MICU1: variants seen among roughly 807,000 people sequenced by gnomAD.
MICU1 encodes the protein calcium uptake protein 1, mitochondrial.
In MICU1, 45 loss-of-function variants were observed where a neutral mutation model predicts 56.8. The observed-to-expected ratio is 0.79, with a 90% CI of 0.62 to 1.02. The LOEUF (loss-of-function observed/expected upper bound fraction) is 1.02, where lower values mean the gene tolerates loss of function less well. Ranked by LOEUF, MICU1 falls within the 50% of genes least tolerant of loss-of-function variation. The pLI is 0.00. For synonymous variants in MICU1, 186 were observed against 195.1 expected, an observed-to-expected ratio of 0.95 and a Z score of 0.39; for missense variants, 504 against 587.1, an observed-to-expected ratio of 0.86 and a Z score of 1.46.
intron 1 of MICU1, among the ~76,000 whole-genome samples, chr10:72,585,994 A>ATTTTTTTTTTTTTTTTTTTTT (rs1276935862): frequency 2.0e-5 from 2 of 100,202 alleles, no homozygotes; most frequent in Non-Finnish European, 4.2e-5. Context: ...TATTGTTTTT[A>ATTTTTTTTTTTTTTTTTTTTT]TTTTTTCTTT....
chr10:72,622,451 C>T (rs750754998), intron 1 of MICU1, among the ~76,000 whole-genome samples: 3 of 152,172 alleles, frequency 2.0e-5, no homozygotes, highest in Admixed American at 6.6e-5. Flanking sequence ...AGCATTCCAT[C>T]ACTCTGGCCA....
At chr10:72,395,571 C>G (rs1468162297) in intron 10 of MICU1, among the ~76,000 whole-genome samples, 1 of 152,176 alleles carries the variant, frequency 6.6e-6, no homozygotes, top group Non-Finnish European at 1.5e-5. Flanking sequence ...TGGGACACTC[C>G]CACCCAAATA....
intron 8 of MICU1, among the ~76,000 whole-genome samples, chr10:72,439,854 C>T (rs1247231980): frequency 3.3e-5 from 5 of 152,120 alleles, no homozygotes; most frequent in African/African-American, 1.2e-4. Flanking sequence ...TTGTGAAGGA[C>T]CTCTTCAAAG....
chr10:72,463,674 A>G (rs1865704472), intron 8 of MICU1, among the ~76,000 whole-genome samples: 1 of 152,230 alleles, frequency 6.6e-6, no homozygotes, highest in African/African-American at 2.4e-5. Flanking sequence ...TAAGATTATC[A>G]TGGAACTGAA....
At chr10:72,485,596 G>A (rs1016897488) in intron 6 of MICU1, among the ~76,000 whole-genome samples, 5 of 151,330 alleles carry the variant, frequency 3.3e-5, no homozygotes, top group Admixed American at 1.3e-4. Context: ...TATGTCCAGG[G>A]TCATAGAGCT....
intron 1 of MICU1, among the ~76,000 whole-genome samples, chr10:72,612,160 T>C (rs891127441): frequency 6.6e-6 from 1 of 151,996 alleles, no homozygotes; most frequent in African/African-American, 2.4e-5. Flanking sequence ...GAAAATCAAC[T>C]AGTAAACAGG....
At chr10:72,536,534 G>A (rs926464776) in intron 4 of MICU1, among the ~76,000 whole-genome samples, 12 of 151,410 alleles carry the variant, frequency 7.9e-5, no homozygotes, top group Non-Finnish European at 1.5e-5. Context: ...TGTATTTTTA[G>A]TAGAGACAGG....
At chr10:72,622,238 TA>T (rs747962682) in intron 1 of MICU1, among the ~76,000 whole-genome samples, 152 of 93,302 alleles carry the variant, frequency 1.6e-3, no homozygotes, top group Admixed American at 2.3e-3. Context: ...TTCTCTTAAT[TA>T]AAAAAAAAAA....
At chr10:72,376,968 C>G (rs538945306) in intron 10 of MICU1, among the ~76,000 whole-genome samples, 18 of 152,094 alleles carry the variant, frequency 1.2e-4, no homozygotes, top group African/African-American at 4.3e-4. Context: ...TAAGGCTTCA[C>G]GCCTTGGTGG....
chr10:72,378,435 T>C (rs1201145867), intron 10 of MICU1, among the ~76,000 whole-genome samples: 2 of 152,098 alleles, frequency 1.3e-5, no homozygotes, highest in Non-Finnish European at 2.9e-5. Flanking sequence ...CTCCCACCTC[T>C]CTCTCTTCCT....
intron 5 of MICU1, among the ~76,000 whole-genome samples, chr10:72,523,301 C>T (rs899594770): frequency 3.9e-5 from 6 of 152,272 alleles, no homozygotes; most frequent in South Asian, 2.1e-4. Flanking sequence ...CTGATCTATT[C>T]GGTACTCTGT....
At chr10:72,374,273 T>G (rs1862442570) in intron 11 of MICU1, among the ~76,000 whole-genome samples, 1 of 152,186 alleles carries the variant, frequency 6.6e-6, no homozygotes, top group Non-Finnish European at 1.5e-5. Flanking sequence ...GGCACACATG[T>G]GCTACCATGC....
intron 8 of MICU1, among the ~76,000 whole-genome samples, chr10:72,468,294 CT>C (rs35225891): frequency 0.043 from 5,923 of 136,548 alleles, 300 homozygotes; most frequent in African/African-American, 0.14. Context: ...TTAGTTTTTG[CT>C]TTTTTTTTTT....
intron 1 of MICU1, among the ~76,000 whole-genome samples, chr10:72,588,820 C>A (rs540575733): frequency 1.3e-5 from 2 of 152,268 alleles, no homozygotes; most frequent in African/African-American, 4.8e-5. Context: ...CCAAAAATGT[C>A]TTTAGACATT....
At chr10:72,439,473 C>T (rs1338505759) in intron 8 of MICU1, among the ~76,000 whole-genome samples, 1 of 152,190 alleles carries the variant, frequency 6.6e-6, no homozygotes, top group Non-Finnish European at 1.5e-5. Flanking sequence ...TGGAAGCATT[C>T]CCTTTGAAAA....
At chr10:72,439,003 C>T (rs1864828745) in intron 8 of MICU1, among the ~76,000 whole-genome samples, 1 of 152,174 alleles carries the variant, frequency 6.6e-6, no homozygotes, top group African/African-American at 2.4e-5. Flanking sequence ...CCTTCTGAAA[C>T]TATTCCAATC....
chr10:72,483,286 C>G (rs1866363329), intron 6 of MICU1: 1 of 153,550 alleles, frequency 6.5e-6, no homozygotes. Flanking sequence ...GCAATAGCCT[C>G]AATAACCCAT....
chr10:72,375,717 T>C lies in MICU1; in HGVS notation c.1270+66A>G, dbSNP rs566710025. The C allele has an allele frequency of 1.1e-4, 165 of 1,459,386 alleles. No homozygotes were observed. The African/African-American group carries it at 2.1e-3, about 19-fold the overall frequency. 90.4% of individuals were successfully genotyped at this position (1,459,386 alleles called of 1,614,324 possible). A position where few individuals can be genotyped will look rare whatever the true frequency, so the allele number is the denominator to read the frequency against. On this transcript the variant is annotated intron_variant, in intron 11 of 11. Transcript: ENST00000361114. ...ACAGATGCTGTCCGCAAGGCTCCAT[T>C]ATACACAAGGGCCTCTAAGGGCAGC... is the stretch of plus-strand genomic sequence containing the variant.
chr10:72,489,324 A>AC (rs1491389638), intron 6 of MICU1, among the ~76,000 whole-genome samples: 69 of 136,198 alleles, frequency 5.1e-4, no homozygotes, highest in East Asian at 1.3e-3. Context: ...ACACACACAC[A>AC]AAAATAAAAA....
Sources: gnomAD v4.1 joint callset for allele counts (sites outside exome capture counted in the v4.1 genomes callset) on GRCh38, gnomAD v4.1.1 for gene constraint, MANE v1.5 for transcripts, NCBI Gene and HGNC (gene_info 2026-07-23, HGNC 2026-07-21) for gene names.